Variants in MAST4 observed in about 807,000 individuals in gnomAD.
MAST4 encodes the protein microtubule-associated serine/threonine-protein kinase 4.
A neutral mutation model predicts 162.7 loss-of-function variants in MAST4; 89 were observed. That is an observed-to-expected ratio of 0.55 (90% confidence interval 0.46 to 0.65). The LOEUF (loss-of-function observed/expected upper bound fraction) is 0.65, where lower values mean the gene tolerates loss of function less well. Among genes scored for constraint, MAST4 ranks in the 30% least tolerant of loss-of-function variants. The pLI is 0.00. For missense variants in MAST4, 3,153 were observed against 3,374.0 expected (o/e 0.93, Z 1.62); for synonymous variants, 1,479 against 1,361.1 (o/e 1.09, Z -1.91).
intron 1 of MAST4, among the ~76,000 whole-genome samples, chr5:66,640,650 A>G (rs1745435159): frequency 6.6e-6 from 1 of 152,150 alleles, no homozygotes; most frequent in Non-Finnish European, 1.5e-5. Context: ...CACTCAGATT[A>G]TTTCCATATC....
intron 3 of MAST4, among the ~76,000 whole-genome samples, chr5:66,858,799 T>C (rs963572651): frequency 6.6e-6 from 1 of 152,116 alleles, no homozygotes; most frequent in African/African-American, 2.4e-5. Flanking sequence ...ATATGGTATA[T>C]GTTTCTGTTA....
chr5:67,128,395 T>G (rs1768520147), intron 14 of MAST4, among the ~76,000 whole-genome samples: 1 of 152,110 alleles, frequency 6.6e-6, no homozygotes, highest in South Asian at 2.1e-4. Flanking sequence ...GTGCATTGAT[T>G]ATAGGAGGTA....
chr5:66,607,300 T>C (rs1181821560), intron 1 of MAST4, among the ~76,000 whole-genome samples: 1 of 152,174 alleles, frequency 6.6e-6, no homozygotes, highest in East Asian at 1.9e-4. Context: ...GTAGAACTTT[T>C]GTTAAGGTTA....
intron 4 of MAST4, among the ~76,000 whole-genome samples, chr5:67,011,646 T>C (rs913209630): frequency 9.9e-5 from 15 of 152,180 alleles, no homozygotes; most frequent in Non-Finnish European, 2.9e-5. Flanking sequence ...AGCAGCTGAG[T>C]GGCTCCTGTT....
At chr5:67,154,187 T>C (rs1047445844) in intron 26 of MAST4, among the ~76,000 whole-genome samples, 1 of 152,182 alleles carries the variant, frequency 6.6e-6, no homozygotes, top group Non-Finnish European at 1.5e-5. Context: ...ACAGGAAGCA[T>C]GACTGTAAAT....
chr5:67,010,174 G>A (rs1339088779), intron 4 of MAST4, among the ~76,000 whole-genome samples: 2 of 152,144 alleles, frequency 1.3e-5, no homozygotes, highest in Non-Finnish European at 2.9e-5. Flanking sequence ...TATCCCAAAC[G>A]TGTATCCCAT....
rs1321625868 is a variant in MAST4, at chr5:66,750,728, C to T, written c.364-8981C>T. On this transcript the variant is annotated intron_variant, in intron 1 of 28. Transcript: ENST00000403625. ...GTAGCGAGGCTGGGGGAGGGGCACC[C>T]GCCATTGCCCAGGCTTGCTTAGGTA... 3.3e-5 allele frequency among the ~76,000 whole-genome samples: 5 copies of T among 152,170 alleles called. No individual in the cohort carries two copies. The South Asian group carries it at 6.3e-4, about 19-fold the overall frequency.
chr5:67,130,129 G>C, intron 14 of MAST4, 81 bp from the exon 15 acceptor site: 1 of 1,315,084 alleles, frequency 7.6e-7, no homozygotes, highest in South Asian at 1.4e-5. Flanking sequence ...AAAAGTTGAT[G>C]ATTTATATGG....
chr5:67,026,473 T>A (rs1275884858), intron 4 of MAST4, among the ~76,000 whole-genome samples: 1 of 152,254 alleles, frequency 6.6e-6, no homozygotes, highest in Non-Finnish European at 1.5e-5. Flanking sequence ...GAGATTGATT[T>A]GTCTATCTGC....
intron 2 of MAST4, among the ~76,000 whole-genome samples, chr5:66,767,887 C>T (rs540085928): frequency 6.3e-4 from 96 of 152,192 alleles, no homozygotes; most frequent in African/African-American, 2.2e-3. Flanking sequence ...TAGTATCCAC[C>T]CAGATTAAGG....
intron 5 of MAST4, among the ~76,000 whole-genome samples, chr5:67,088,029 C>T (rs1188537955): frequency 6.6e-6 from 1 of 152,094 alleles, no homozygotes; most frequent in Non-Finnish European, 1.5e-5. Context: ...TTTTTTAGAG[C>T]AGAGTTAAAT....
chr5:66,876,142 G>T (rs540195083), intron 3 of MAST4, among the ~76,000 whole-genome samples: 17 of 152,286 alleles, frequency 1.1e-4, no homozygotes, highest in Admixed American at 5.2e-4. Flanking sequence ...AATATAAATT[G>T]CAGTGTTTAA....
chr5:66,917,228 T>G, intron 4 of MAST4: 1 of 491,866 alleles, frequency 2.0e-6, no homozygotes, highest in Non-Finnish European at 3.6e-6. Context: ...ATGTTTACTC[T>G]TCATTTACAT....
intron 1 of MAST4, among the ~76,000 whole-genome samples, chr5:66,755,380 C>T (rs1753473571): frequency 6.6e-6 from 1 of 152,208 alleles, no homozygotes; most frequent in Non-Finnish European, 1.5e-5. Flanking sequence ...CTATGAATTA[C>T]AGAACCCATG....
chr5:66,644,046 T>TAAA (rs11329809), intron 1 of MAST4, among the ~76,000 whole-genome samples: 1 of 151,490 alleles, frequency 6.6e-6, no homozygotes, highest in Admixed American at 6.6e-5. Context: ...CTGTAAGCTT[T>TAAA]AAAAAAAATC....
rs1474064268 is a variant in MAST4 at position 67,110,142 on chromosome 5, A to G, written c.1401A>G (p.Gln467=). Residue 467 remains glutamine (Q), a synonymous_variant, in exon 11 of 29, where the codon CAA becomes CAG. Coordinates refer to ENST00000403625, the MANE Select transcript of MAST4 (RefSeq NM_001164664.2). ...GTGGAGAATTGGCATTTATTAAACA[A>G]CTAGTTCGAAAGATCCTAATTGTTA... The part of the protein sequence containing the change: ...SESGELAFIK[Q]LVRKILIVIA... The G allele has an allele frequency of 3.1e-6, 5 of 1,613,822 alleles. No homozygotes were observed. In the South Asian group the frequency reaches 4.4e-5, roughly 14 times the overall value.
intron 16 of MAST4, among the ~76,000 whole-genome samples, chr5:67,132,324 T>C (rs1457975538): frequency 1.3e-5 from 2 of 152,106 alleles, no homozygotes; most frequent in Non-Finnish European, 2.9e-5. Flanking sequence ...ATCCCTTCCC[T>C]AGTTCCCCAC....
chr5:67,085,589 A>G lies in MAST4; in HGVS notation c.764-4573A>G, dbSNP rs139128755. On this transcript the variant is annotated intron_variant, in intron 5 of 28. Transcript: ENST00000403625. Reference sequence around the variant, plus strand: ...CCAGATTATAAGAAAGCCTTGATTCATTGTGTATAATTCTGTCTTTACTTG... The same window carrying G: ...CCAGATTATAAGAAAGCCTTGATTCGTTGTGTATAATTCTGTCTTTACTTG... Among the ~76,000 whole-genome samples the G allele has an allele frequency of 1.0e-3, 154 of 152,280 alleles. No homozygotes were observed. The East Asian group carries it at 0.025, about 25-fold the overall frequency.
intron 5 of MAST4, among the ~76,000 whole-genome samples, chr5:67,069,881 A>AGTGTGTGTGTGT (rs200867949): frequency 0.014 from 2,020 of 142,732 alleles, 19 homozygotes; most frequent in Middle Eastern, 0.029. Context: ...TTTGAGAGAA[A>AGTGTGTGTGTGT]GTGTGTGTGT....
Sources: gnomAD v4.1 joint callset for allele counts (sites outside exome capture counted in the v4.1 genomes callset) on GRCh38, gnomAD v4.1.1 for gene constraint, MANE v1.5 for transcripts, NCBI Gene and HGNC (gene_info 2026-07-23, HGNC 2026-07-21) for gene names.